The following ATP6V1G3 variants were observed in gnomAD, a reference collection of about 807,000 sequenced individuals.
The protein encoded by ATP6V1G3 is ATPase H+ transporting V1 subunit G3.
A neutral mutation model predicts 9.3 loss-of-function variants in ATP6V1G3; 9 were observed. The ratio of observed to expected loss-of-function variants is 0.97; its 90% CI spans 0.59 to 1.69. The LOEUF is 1.69. ATP6V1G3 is among the 40% of genes most tolerant of loss of function. The probability of loss-of-function intolerance (pLI) is 0.00; values close to 1 mark genes in which losing one functional copy is unlikely to be tolerated. For synonymous variants in ATP6V1G3, 43 were observed against 43.8 expected, an observed-to-expected ratio of 0.98 and a Z score of 0.07; for missense variants, 133 against 139.0, an observed-to-expected ratio of 0.96 and a Z score of 0.22.
chr1:198,525,054 C>T (rs1300055013), intron 2 of ATP6V1G3, among the ~76,000 whole-genome samples: 1 of 152,174 alleles, frequency 6.6e-6, no homozygotes, highest in Admixed American at 6.5e-5. Flanking sequence ...TGAAAAGTTA[C>T]AGTTTCTAAG....
chr1:198,532,587 A>C (rs1659947528), intron 1 of ATP6V1G3, among the ~76,000 whole-genome samples: 1 of 152,192 alleles, frequency 6.6e-6, no homozygotes, highest in Non-Finnish European at 1.5e-5. Context: ...GATGATGGTG[A>C]AGAAGAAAGG....
In ATP6V1G3 at chr1:198,529,104, CTT is replaced by C. The variant is rs772670148; in HGVS notation, c.158_159del (p.Lys53ArgfsTer8). On this transcript the variant is annotated frameshift_variant, in exon 2 of 3. Transcript: ENST00000367382. LOFTEE classifies it low-confidence loss of function (END_TRUNC). ...ACCTTAGATTGTTTTAGTCGAAACT[CTT>C]TATCTCTCTGCATTCTGTACTGGTC... is the stretch of plus-strand genomic sequence containing the variant. ...EIDQYRMQRD[K>X]EFRLKQSKIM... 4.5e-6 allele frequency: 7 copies of C among 1,539,950 alleles called. No individual in the cohort carries two copies. In the Admixed American group the frequency reaches 9.2e-5, roughly 20 times the overall value.
chr1:198,527,499 T>A (rs1659701897), intron 2 of ATP6V1G3, among the ~76,000 whole-genome samples: 1 of 152,190 alleles, frequency 6.6e-6, no homozygotes, highest in African/African-American at 2.4e-5. Flanking sequence ...TTAGTTTTGT[T>A]ATTACTTAAA....
intron 2 of ATP6V1G3, among the ~76,000 whole-genome samples, chr1:198,527,106 C>T (rs763119753): frequency 2.6e-5 from 4 of 152,132 alleles, no homozygotes; most frequent in Admixed American, 6.6e-5. Flanking sequence ...ACAACACCCA[C>T]GGCACACAGG....
intron 2 of ATP6V1G3, among the ~76,000 whole-genome samples, chr1:198,526,308 T>TA (rs1258731308): frequency 6.6e-6 from 1 of 152,166 alleles, no homozygotes; most frequent in Non-Finnish European, 1.5e-5. Flanking sequence ...CTTGATGTAT[T>TA]ATAAATGCCT....
chr1:198,539,810 A>C (rs1260139638), intron 1 of ATP6V1G3, among the ~76,000 whole-genome samples: 2 of 152,256 alleles, frequency 1.3e-5, no homozygotes. Context: ...CCATTTCTGC[A>C]TACATTGGGA....
At chr1:198,536,055 G>A (rs985412410) in intron 1 of ATP6V1G3, among the ~76,000 whole-genome samples, 1 of 151,234 alleles carries the variant, frequency 6.6e-6, no homozygotes, top group African/African-American at 2.4e-5. Context: ...GTAATTTTTA[G>A]TTAAGCACAA....
At chr1:198,525,020 T>G (rs1659599809) in intron 2 of ATP6V1G3, among the ~76,000 whole-genome samples, 1 of 152,202 alleles carries the variant, frequency 6.6e-6, no homozygotes, top group Non-Finnish European at 1.5e-5. Flanking sequence ...CAATGGGGTC[T>G]TCTCAGTTCA....
chr1:198,528,541 A>G (rs1354004126), intron 2 of ATP6V1G3, among the ~76,000 whole-genome samples: 3 of 152,132 alleles, frequency 2.0e-5, no homozygotes, highest in African/African-American at 4.8e-5. Flanking sequence ...AAATGTGCCA[A>G]TGTAGGAAAA....
chr1:198,529,265 A>G (rs1367582355), intron 1 of ATP6V1G3, 84 bp from the exon 2 acceptor site: 1 of 312,340 alleles, frequency 3.2e-6, no homozygotes, highest in Non-Finnish European at 5.0e-6. Flanking sequence ...CTCAACAAGG[A>G]TATATATATT....
intron 2 of ATP6V1G3, among the ~76,000 whole-genome samples, chr1:198,527,658 C>G (rs997350153): frequency 4.6e-5 from 7 of 152,100 alleles, no homozygotes; most frequent in African/African-American, 1.2e-4. Context: ...GTTATTCATT[C>G]TTTCAACAAA....
intron 2 of ATP6V1G3, among the ~76,000 whole-genome samples, chr1:198,528,277 C>G (rs1008270442): frequency 6.6e-6 from 1 of 152,052 alleles, no homozygotes; most frequent in African/African-American, 2.4e-5. Context: ...ACATGAACTC[C>G]TTATCCATTA....
intron 1 of ATP6V1G3, among the ~76,000 whole-genome samples, chr1:198,535,178 CAATACACTTACA>C (rs1410603337): frequency 6.6e-6 from 1 of 151,972 alleles, no homozygotes; most frequent in African/African-American, 2.4e-5. Flanking sequence ...AATGAAAGCC[CAATACACTTACA>C]AATACCCTGT....
At position 198,540,589 on chromosome 1, in the gene ATP6V1G3, T is replaced by G; in HGVS notation, c.62A>C (p.Lys21Thr). ...LLQAEKRAKD[K>T]LEEAKKRKGK... is the part of the protein sequence containing the mutation. ...CTTACTCTTCTTGGCTTCCTCTAGC[T>G]TGTCCTTGGCCCGTTTTTCTGCCTG... is the stretch of plus-strand genomic sequence containing the variant. The change falls in exon 1 of 3, where the codon AAG becomes ACG. Residue 21 changes from lysine (K) to threonine (T), a missense_variant. By Grantham distance (78) the Lys-to-Thr change is moderately conservative. Coordinates refer to ENST00000367382, the MANE Select transcript of ATP6V1G3 (RefSeq NM_001376861.1). 1 of 1,614,100 alleles carries G rather than the reference T, an allele frequency of 6.2e-7. No homozygotes were observed. The highest frequency in any genetic ancestry group is 8.5e-7 in the Non-Finnish European group (1 of 1,179,950).
At chr1:198,536,807 C>G in intron 1 of ATP6V1G3, 1 of 1,067,114 alleles carries the variant, frequency 9.4e-7, no homozygotes, top group African/African-American at 1.6e-5. Context: ...CAGTAACATA[C>G]AAAAATACAT....
intron 2 of ATP6V1G3, among the ~76,000 whole-genome samples, chr1:198,528,036 A>G (rs1468957233): frequency 6.6e-6 from 1 of 152,156 alleles, no homozygotes; most frequent in Non-Finnish European, 1.5e-5. Context: ...GCAAAAGACC[A>G]ATATGGCTAG....
intron 2 of ATP6V1G3, among the ~76,000 whole-genome samples, chr1:198,526,818 A>G (rs1367007061): frequency 7.9e-5 from 12 of 152,076 alleles, no homozygotes; most frequent in Non-Finnish European, 1.5e-5. Flanking sequence ...CAAGGCAACC[A>G]TTTTCAGGTT....
At chr1:198,537,202 T>A (rs1480799662) in intron 1 of ATP6V1G3, among the ~76,000 whole-genome samples, 2 of 152,138 alleles carry the variant, frequency 1.3e-5, no homozygotes, top group African/African-American at 4.8e-5. Flanking sequence ...AGGTTCATAA[T>A]CCCTTATCAG....
chr1:198,524,372 C>T (rs1188990462), intron 2 of ATP6V1G3, among the ~76,000 whole-genome samples: 1 of 152,030 alleles, frequency 6.6e-6, no homozygotes, highest in Non-Finnish European at 1.5e-5. Flanking sequence ...ATCCGCCTTC[C>T]TCAGCCTCCC....
Sources: gnomAD v4.1 joint callset for allele counts (sites outside exome capture counted in the v4.1 genomes callset) on GRCh38, gnomAD v4.1.1 for gene constraint, MANE v1.5 for transcripts, NCBI Gene and HGNC (gene_info 2026-07-23, HGNC 2026-07-21) for gene names.